Variants in TASOR2 observed in about 807,000 individuals in gnomAD.
TASOR2 encodes protein TASOR 2.
A neutral mutation model predicts 199.5 loss-of-function variants in TASOR2; 84 were observed. That is an observed-to-expected ratio of 0.42 (90% CI 0.35 to 0.50). The LOEUF (loss-of-function observed/expected upper bound fraction) is 0.50. Ranked by LOEUF, TASOR2 falls within the 20% of genes least tolerant of loss-of-function variation. The pLI, the probability that TASOR2 is intolerant of heterozygous loss-of-function variation, is 0.02. For synonymous variants in TASOR2, 1,103 were observed against 1,046.6 expected (o/e 1.05, Z -1.04); for missense variants, 2,796 against 2,835.9 (o/e 0.99, Z 0.32).
chr10:5,747,517 C>T (rs1588877772), exon 15 of TASOR2: 1 of 1,614,106 alleles, frequency 6.2e-7, no homozygotes, highest in Non-Finnish European at 8.5e-7. Context: ...TAATTTACAA[C>T]CAGTTACTTT....
chr10:5,762,014 C>T (rs1021105614), intron 19 of TASOR2, among the ~76,000 whole-genome samples: 2 of 152,096 alleles, frequency 1.3e-5, no homozygotes, highest in African/African-American at 2.4e-5. Context: ...CAGTGGCTCA[C>T]GCCTGTAATG....
At chr10:5,713,474 T>A in intron 2 of TASOR2, among the ~76,000 whole-genome samples, 1 of 152,232 alleles carries the variant, frequency 6.6e-6, no homozygotes, top group South Asian at 2.1e-4. Flanking sequence ...TTTTAAACAA[T>A]ACCAGAGATC....
intron 1 of TASOR2, among the ~76,000 whole-genome samples, chr10:5,688,978 G>C (rs1376175562): frequency 2.6e-5 from 4 of 152,162 alleles, no homozygotes; most frequent in African/African-American, 9.7e-5. Flanking sequence ...ACACCTTCCT[G>C]GGTGACAGAG....
At chr10:5,739,420 A>G (rs567416168) in intron 12 of TASOR2, among the ~76,000 whole-genome samples, 198 bp from the exon 14 acceptor site, 6 of 152,296 alleles carry the variant, frequency 3.9e-5, no homozygotes, top group Admixed American at 2.0e-4. Context: ...CCAATAGAAA[A>G]TTTTAATATG....
chr10:5,742,020 C>G lies in TASOR2; in HGVS notation c.2328-77C>G. 7.5e-7 allele frequency: 1 copy of G among 1,339,430 alleles called. No homozygotes were observed. The highest frequency in any genetic ancestry group is 1.0e-6 in the Non-Finnish European group (1 of 957,734). The allele number at this position is 1,339,430 out of a possible 1,614,324, so 83.0% of individuals were successfully genotyped here. A position where few individuals can be genotyped will look rare whatever the true frequency, so the allele number is the denominator to read the frequency against. ...AACAAAAACTAAGGAATATTGGAGG[C>G]ACTTGCTTATGATAAGGTAATCAAC... On this transcript the variant is annotated intron_variant, in intron 13 of 20. Transcript: ENST00000328090. The surrounding 1 kb of genome is among the most constrained non-coding windows in gnomAD (Gnocchi z 4.2).
Position 5,719,875 on chromosome 10 carries a change from T to C in TASOR2, c.-99-669T>C, listed in dbSNP as rs920164576. Among the ~76,000 whole-genome samples, 3 of 152,206 alleles carry C rather than the reference T, an allele frequency of 2.0e-5. No individual in the cohort carries two copies. Among genetic ancestry groups the C allele is most frequent in the Non-Finnish European group, 4.4e-5 (3 of 68,032 alleles). Reference sequence around the variant, plus strand: ...ACTCATCTTTTGAAATTTTAGATTTTGTCCTCTTTTACATTACAGTCACCA... The same window carrying C: ...ACTCATCTTTTGAAATTTTAGATTTCGTCCTCTTTTACATTACAGTCACCA... On this transcript the variant is annotated intron_variant, in intron 3 of 20. Coordinates refer to ENST00000328090, the Ensembl canonical transcript of TASOR2. This position sits in a 1 kb window ranked among gnomAD's most constrained non-coding sequence, Gnocchi z 4.1.
In TASOR2 at chr10:5,750,346, T is replaced by C. The variant is rs756256698; in HGVS notation, c.6606+319T>C. ...GTTAAAATACAGATTTTTTGAAAAG[T>C]GGTTGTAGATTGTCCGTTAGTGTGG... On this transcript the variant is annotated intron_variant, in intron 15 of 20. Coordinates refer to ENST00000328090, the Ensembl canonical transcript of TASOR2. This position sits in a 1 kb window ranked among gnomAD's most constrained non-coding sequence, Gnocchi z 5.4. Among the ~76,000 whole-genome samples the C allele has an allele frequency of 1.3e-5, 2 of 152,228 alleles. No homozygotes were observed. Among genetic ancestry groups the C allele is most frequent in the Non-Finnish European group, 2.9e-5 (2 of 68,036 alleles).
intron 2 of TASOR2, among the ~76,000 whole-genome samples, chr10:5,717,154 A>G (rs1832767284): frequency 6.6e-6 from 1 of 152,024 alleles, no homozygotes; most frequent in Non-Finnish European, 1.5e-5. Flanking sequence ...ACAAATACAC[A>G]TTCTTCAAAA....
exon 15 of TASOR2, chr10:5,749,393 A>C: frequency 6.2e-7 from 1 of 1,614,248 alleles, no homozygotes; most frequent in Non-Finnish European, 8.5e-7. Context: ...CAGACCATAA[A>C]GAATGGGGAT....
intron 14 of TASOR2, among the ~76,000 whole-genome samples, chr10:5,745,056 G>T (rs1272573992): frequency 3.3e-5 from 5 of 152,200 alleles, no homozygotes; most frequent in Non-Finnish European, 5.9e-5. Flanking sequence ...GTGATCAGTT[G>T]TATAATCAGT....
chr10:5,758,750 G>T, intron 17 of TASOR2, 137 bp from the exon 19 acceptor site: 1 of 637,548 alleles, frequency 1.6e-6, no homozygotes, highest in South Asian at 1.9e-5. Context: ...CCACATAAGT[G>T]ACAGTGATGG....
At chr10:5,741,970 C>T (rs1379726508) in intron 13 of TASOR2, 127 bp from the exon 15 acceptor site, 21 of 802,032 alleles carry the variant, frequency 2.6e-5, no homozygotes, top group Non-Finnish European at 2.0e-6. Context: ...ATTCATGTTT[C>T]ATATCTGTAA....
At position 5,720,526 on chromosome 10, in the gene TASOR2, TTA is replaced by T; in HGVS notation, c.-99-16_-99-15del. 1 of 1,566,306 alleles carries T rather than the reference TTA, an allele frequency of 6.4e-7. No homozygotes were observed. Among genetic ancestry groups the T allele is most frequent in the African/African-American group, 1.4e-5 (1 of 73,740 alleles). On this transcript the variant is annotated splice_polypyrimidine_tract_variant and intron_variant, in intron 3 of 20. Transcript: ENST00000328090. The surrounding 1 kb of genome is among the most constrained non-coding windows in gnomAD (Gnocchi z 5.3). ...TTCCATAGTGCTACCCTGATAATAC[TTA>T]TTTTTCCTCTTTCAGTATTACTTTT...
At chr10:5,757,719 T>G in intron 17 of TASOR2, 46 bp downstream of exon 18, 1 of 1,594,394 alleles carries the variant, frequency 6.3e-7, no homozygotes. Flanking sequence ...TCAGATCAAC[T>G]TCTCACCCAG....
exon 17 of TASOR2, chr10:5,757,624 A>T: frequency 6.2e-7 from 1 of 1,614,002 alleles, no homozygotes; most frequent in Non-Finnish European, 8.5e-7. Flanking sequence ...TGTTTCGTGC[A>T]GGAGGCTTTG....
chr10:5,759,021 C>T (rs1174832454), intron 18 of TASOR2, 29 bp downstream of exon 19: 2 of 1,523,400 alleles, frequency 1.3e-6, no homozygotes, highest in Admixed American at 1.7e-5. Context: ...TATGGTTCCT[C>T]CTGCCCTGCT....
intron 11 of TASOR2, among the ~76,000 whole-genome samples, chr10:5,732,453 T>C (rs746193932): frequency 3.3e-5 from 5 of 152,246 alleles, no homozygotes; most frequent in Non-Finnish European, 7.3e-5. Flanking sequence ...ATCTGTAATA[T>C]TTTGAATTTG....
At chr10:5,762,903 G>A (rs746167997) in intron 20 of TASOR2, 126 bp from the exon 22 acceptor site, 17 of 834,910 alleles carry the variant, frequency 2.0e-5, no homozygotes, top group African/African-American at 2.0e-4. Flanking sequence ...AACTTGGATC[G>A]TCAGTACAGA....
chr10:5,747,283 A>G, exon 15 of TASOR2: 3 of 1,614,190 alleles, frequency 1.9e-6, no homozygotes, highest in Non-Finnish European at 2.5e-6. Flanking sequence ...AGCTCTAACA[A>G]TATCACCACC....
Sources: gnomAD v4.1 joint callset for allele counts (sites outside exome capture counted in the v4.1 genomes callset) on GRCh38, gnomAD v4.1.1 for gene constraint, Gnocchi (gnomAD v3.1) non-coding constraint, MANE v1.5 for transcripts, NCBI Gene and HGNC (gene_info 2026-07-23, HGNC 2026-07-21) for gene names.